Variants in FGF7 observed in about 807,000 individuals in gnomAD.
FGF7 encodes FGF-7.
A neutral mutation model predicts 20.5 loss-of-function variants in FGF7; 6 were observed. The ratio of observed to expected loss-of-function variants is 0.29; its 90% confidence interval spans 0.16 to 0.58. The LOEUF (loss-of-function observed/expected upper bound fraction) is 0.58, where lower values mean the gene tolerates loss of function less well. FGF7 is among the 20% of genes least tolerant of loss of function. FGF7 has a pLI of 0.90. For synonymous variants in FGF7, 64 were observed against 74.7 expected, an observed-to-expected ratio of 0.86 and a Z score of 0.74; for missense variants, 144 against 228.8, an observed-to-expected ratio of 0.63 and a Z score of 2.39.
chr15:49,430,557 A>G (rs914387557), intron 2 of FGF7, among the ~76,000 whole-genome samples: 1 of 151,992 alleles, frequency 6.6e-6, no homozygotes, highest in Middle Eastern at 3.4e-3. Context: ...TTTATAAAGA[A>G]AAGAAATTTA....
chr15:49,434,654 G>A (rs1195746763), intron 2 of FGF7: 2 of 151,490 alleles, frequency 1.3e-5, no homozygotes, highest in Admixed American at 6.6e-5. Flanking sequence ...ACTCACCAAG[G>A]TAAAGGTTTT....
chr15:49,480,671 C>T (rs1246463001), intron 2 of FGF7, among the ~76,000 whole-genome samples: 2 of 151,838 alleles, frequency 1.3e-5, no homozygotes, highest in East Asian at 3.9e-4. Context: ...TTAGTAGAAA[C>T]GGGGTTTCGC....
At chr15:49,448,540 A>T (rs866946728) in intron 2 of FGF7, among the ~76,000 whole-genome samples, 1 of 151,798 alleles carries the variant, frequency 6.6e-6, no homozygotes, top group Admixed American at 6.6e-5. Context: ...CAAAATTCAC[A>T]GAAAAATGAT....
chr15:49,461,903 A>T (rs1388309523), intron 2 of FGF7, among the ~76,000 whole-genome samples: 1 of 152,200 alleles, frequency 6.6e-6, no homozygotes, highest in African/African-American at 2.4e-5. Flanking sequence ...GCCCAGGGGC[A>T]GTGGCTCTGT....
intron 2 of FGF7, among the ~76,000 whole-genome samples, chr15:49,475,502 T>C (rs2055179381): frequency 6.6e-6 from 1 of 152,168 alleles, no homozygotes; most frequent in African/African-American, 2.4e-5. Context: ...CAAATGTATT[T>C]AAACTTTAAT....
At position 49,485,390 on chromosome 15, in the gene FGF7, T is replaced by A. The variant is rs1484643420; in HGVS notation, c.*886T>A. 1 of 152,500 alleles carries A rather than the reference T, an allele frequency of 6.6e-6. No homozygotes were observed. The highest frequency in any genetic ancestry group is 1.5e-5 in the Non-Finnish European group (1 of 67,964). 9.4% of individuals were successfully genotyped at this position (152,500 alleles called of 1,614,324 possible). On this transcript the variant is annotated 3_prime_UTR_variant, in exon 4 of 4. Transcript: ENST00000267843. ...TGTTCTTCCCACAAATAATCATGCTTTTTTCCTATGGTTACAGCATTAAAC... is the reference window on the plus strand; with the variant it reads ...TGTTCTTCCCACAAATAATCATGCTATTTTCCTATGGTTACAGCATTAAAC...
At chr15:49,436,656 G>T (rs538646008) in intron 2 of FGF7, among the ~76,000 whole-genome samples, 1 of 150,528 alleles carries the variant, frequency 6.6e-6, no homozygotes, top group South Asian at 2.1e-4. Flanking sequence ...CTCATTTGCA[G>T]ATGGGGGAGA....
intron 2 of FGF7, among the ~76,000 whole-genome samples, chr15:49,444,709 G>T (rs12594154): frequency 0.024 from 3,653 of 151,384 alleles, 112 homozygotes; most frequent in South Asian, 0.15. Flanking sequence ...ATATGTTCCG[G>T]GGTCTGTCTC....
chr15:49,479,597 C>CTTTT (rs1567359064), intron 2 of FGF7, among the ~76,000 whole-genome samples: 9 of 102,084 alleles, frequency 8.8e-5, no homozygotes, highest in East Asian at 3.4e-4. Context: ...GTTAATACCT[C>CTTTT]TGTTTTTTTT....
At chr15:49,424,779 T>C (rs2049983521) in intron 2 of FGF7, 196 bp downstream of exon 2, 2 of 431,988 alleles carry the variant, frequency 4.6e-6, no homozygotes, top group Admixed American at 7.7e-5. Context: ...CTACTTACAT[T>C]ATAGTTGGAC....
Position 49,424,220 on chromosome 15 carries a change from C to A in FGF7, c.-78C>A. Reference sequence around the variant, plus strand: ...CTACAATTCACAGATAGGAAGAGGTCAATGACCTAGGAGTAACAATCAACT... The same window carrying A: ...CTACAATTCACAGATAGGAAGAGGTAAATGACCTAGGAGTAACAATCAACT... On this transcript the variant is annotated 5_prime_UTR_variant, in exon 2 of 4. Transcript: ENST00000267843. The A allele has an allele frequency of 7.7e-7, 1 of 1,296,090 alleles. No homozygotes were observed. The highest frequency in any genetic ancestry group is 1.4e-5 in the South Asian group (1 of 73,166). The allele number at this position is 1,296,090 out of a possible 1,614,324, so 80.3% of individuals were successfully genotyped here.
chr15:49,436,161 T>C (rs1419922405), intron 2 of FGF7, among the ~76,000 whole-genome samples: 4 of 151,594 alleles, frequency 2.6e-5, no homozygotes, highest in Non-Finnish European at 1.5e-5. Context: ...TTACTTCCTA[T>C]TTAGATGTTG....
chr15:49,431,133 T>TG (rs2050579907), intron 2 of FGF7, among the ~76,000 whole-genome samples: 1 of 151,840 alleles, frequency 6.6e-6, no homozygotes, highest in African/African-American at 2.4e-5. Flanking sequence ...TTAAGTAATA[T>TG]GGAGAAAAAT....
chr15:49,444,333 T>A (rs867161405), intron 2 of FGF7, among the ~76,000 whole-genome samples: 1 of 151,660 alleles, frequency 6.6e-6, no homozygotes, highest in South Asian at 2.1e-4. Flanking sequence ...CATGCTACTA[T>A]GAAAAGATTT....
In FGF7 at chr15:49,429,730, T is replaced by C. The variant is rs192776680; in HGVS notation, c.286+5147T>C. ...TTCATTAAATTGATCTGAGGTACAG[T>C]CTGGGCATCAGGAATTTTAAAAGCT... is the stretch of plus-strand genomic sequence containing the variant. On this transcript the variant is annotated intron_variant, in intron 2 of 3. Coordinates refer to ENST00000267843, the MANE Select transcript of FGF7 (RefSeq NM_002009.4). Among the ~76,000 whole-genome samples the C allele has an allele frequency of 1.8e-3, 269 of 152,050 alleles. 2 individuals are homozygous for C. The highest frequency in any genetic ancestry group is 6.1e-3 in the African/African-American group (252 of 41,526).
At chr15:49,479,597 CTGTTTTTTTTTTT>C (rs1393524385) in intron 2 of FGF7, among the ~76,000 whole-genome samples, 2 of 102,078 alleles carry the variant, frequency 2.0e-5, no homozygotes, top group Non-Finnish European at 3.7e-5. Flanking sequence ...GTTAATACCT[CTGTTTTTTTTTTT>C]TTTTTTTTTT....
At chr15:49,469,673 AG>A (rs1474194120) in intron 2 of FGF7, among the ~76,000 whole-genome samples, 1 of 152,152 alleles carries the variant, frequency 6.6e-6, no homozygotes, top group Non-Finnish European at 1.5e-5. Context: ...AAAGTAGCCA[AG>A]GAACTTCATT....
intron 2 of FGF7, among the ~76,000 whole-genome samples, chr15:49,444,868 G>C (rs531533901): frequency 6.6e-6 from 1 of 151,714 alleles, no homozygotes; most frequent in Non-Finnish European, 1.5e-5. Flanking sequence ...AATGCATAAA[G>C]TTTAGCCTCT....
chr15:49,426,653 G>T (rs1172987698), intron 2 of FGF7, among the ~76,000 whole-genome samples: 2 of 151,706 alleles, frequency 1.3e-5, no homozygotes, highest in African/African-American at 4.8e-5. Flanking sequence ...ACAATTTAGT[G>T]CTAACTTTGA....
Sources: gnomAD v4.1 joint callset for allele counts (sites outside exome capture counted in the v4.1 genomes callset) on GRCh38, gnomAD v4.1.1 for gene constraint, MANE v1.5 for transcripts, NCBI Gene and HGNC (gene_info 2026-07-23, HGNC 2026-07-21) for gene names.